Variants in PALLD observed in about 807,000 individuals in gnomAD.
The protein encoded by PALLD is palladin, cytoskeletal associated protein.
A neutral mutation model predicts 123.5 loss-of-function variants in PALLD; 61 were observed. The observed-to-expected ratio is 0.49, with a 90% CI of 0.40 to 0.61. PALLD has a LOEUF of 0.61. Among genes scored for constraint, PALLD ranks in the 20% least tolerant of loss-of-function variants. The pLI is 0.00. For missense variants in PALLD, 1,273 were observed against 1,377.0 expected (o/e 0.92, Z 1.20); for synonymous variants, 465 against 496.4 (o/e 0.94, Z 0.84).
At chr4:168,752,070 C>T (rs1436309466) in intron 10 of PALLD, among the ~76,000 whole-genome samples, 2 of 152,306 alleles carry the variant, frequency 1.3e-5, no homozygotes, top group East Asian at 1.9e-4. Flanking sequence ...CAAGATCAGG[C>T]TCAAACTTAA....
At chr4:168,704,664 CAAAAAAA>C (rs35183478) in intron 8 of PALLD, among the ~76,000 whole-genome samples, 5 of 81,382 alleles carry the variant, frequency 6.1e-5, no homozygotes, top group African/African-American at 1.1e-4. Context: ...GACTCTGTCT[CAAAAAAA>C]AAAAAAAAAA....
At chr4:168,648,494 T>C (rs1411136255) in intron 2 of PALLD, 1 of 152,194 alleles carries the variant, frequency 6.6e-6, no homozygotes, top group Non-Finnish European at 1.5e-5. Flanking sequence ...GTAAGTACTT[T>C]GTCTGGAGAG....
At chr4:168,916,150 C>A (rs994681166) in intron 17 of PALLD, 123 bp downstream of exon 17, 2 of 952,024 alleles carry the variant, frequency 2.1e-6, no homozygotes, top group Non-Finnish European at 3.4e-6. Flanking sequence ...CAGTGGCTCA[C>A]ACCTATAATC....
chr4:168,704,051 C>G (rs539782926), intron 8 of PALLD, among the ~76,000 whole-genome samples: 2 of 152,006 alleles, frequency 1.3e-5, no homozygotes, highest in African/African-American at 4.8e-5. Flanking sequence ...ATCAATGGAA[C>G]AGAACAGAGC....
intron 10 of PALLD, among the ~76,000 whole-genome samples, chr4:168,777,992 C>A (rs1735404532): frequency 6.6e-6 from 1 of 152,172 alleles, no homozygotes; most frequent in Non-Finnish European, 1.5e-5. Context: ...TCACCTCAAC[C>A]TCAGATTATG....
intron 10 of PALLD, among the ~76,000 whole-genome samples, chr4:168,759,198 AAAAAATATATATATATATATAT>A (rs1442051318): frequency 1.3e-4 from 4 of 31,704 alleles, no homozygotes; most frequent in African/African-American, 6.4e-4. Context: ...AAAAAAAAAA[AAAAAATATATATATATATATAT>A]ATATATATAT....
chr4:168,702,829 A>G (rs1462408316), intron 8 of PALLD, among the ~76,000 whole-genome samples: 1 of 152,040 alleles, frequency 6.6e-6, no homozygotes, highest in Non-Finnish European at 1.5e-5. Flanking sequence ...TTCCAGAGAC[A>G]TCTCACTTTC....
intron 2 of PALLD, among the ~76,000 whole-genome samples, chr4:168,513,637 T>C (rs116490613): frequency 6.8e-4 from 104 of 152,366 alleles, no homozygotes; most frequent in African/African-American, 2.5e-3. Context: ...AGCTAGTAAC[T>C]GCTGCAGTAG....
intron 2 of PALLD, among the ~76,000 whole-genome samples, chr4:168,626,591 G>A (rs761118236): frequency 4.6e-5 from 7 of 151,346 alleles, no homozygotes; most frequent in Admixed American, 1.3e-4. Context: ...CACGACTGTC[G>A]TCCCTGCTAC....
intron 10 of PALLD, among the ~76,000 whole-genome samples, chr4:168,848,150 TCCCACCCCACCCCAC>T (rs544116092): frequency 2.7e-5 from 3 of 113,168 alleles, no homozygotes; most frequent in African/African-American, 7.0e-5. Flanking sequence ...CCTACCCCCG[TCCCACCCCACCCCAC>T]CCCACCCCAC....
chr4:168,733,388 T>A (rs1447502332), intron 10 of PALLD, among the ~76,000 whole-genome samples: 1 of 152,192 alleles, frequency 6.6e-6, no homozygotes, highest in Non-Finnish European at 1.5e-5. Flanking sequence ...CTCTTCCTTT[T>A]AAGTAGACAA....
rs188154965 is a variant in PALLD, at chr4:168,644,869, G to A, written c.909-23321G>A. Among the ~76,000 whole-genome samples the A allele has an allele frequency of 3.9e-4, 60 of 152,222 alleles. No homozygotes were observed. In the East Asian group the frequency reaches 7.7e-3, roughly 20 times the overall value. On this transcript the variant is annotated intron_variant, in intron 2 of 21. Transcript: ENST00000505667. ...TATAATCCCAGCACTTTGGAAGGCCGAGGCAGGCGGATCACTGGAGGTCAG... is the reference window on the plus strand; with the variant it reads ...TATAATCCCAGCACTTTGGAAGGCCAAGGCAGGCGGATCACTGGAGGTCAG...
In PALLD at chr4:168,850,821, C is replaced by T. The variant is rs554872829; in HGVS notation, c.1965-40101C>T. On this transcript the variant is annotated intron_variant, in intron 10 of 21. Transcript: ENST00000505667. ...TGCTGGAATTACAGGCATGAGCCAC[C>T]GCGCCCAGCCTAAGTCTGTCATTTC... 1.1e-4 allele frequency among the ~76,000 whole-genome samples: 16 copies of T among 152,060 alleles called. No individual in the cohort carries two copies. In the East Asian group the frequency reaches 2.1e-3, roughly 20 times the overall value.
intron 10 of PALLD, among the ~76,000 whole-genome samples, chr4:168,816,498 T>C (rs1741977413): frequency 6.6e-6 from 1 of 151,538 alleles, no homozygotes; most frequent in Non-Finnish European, 1.5e-5. Flanking sequence ...GAACTCTGCC[T>C]CTATCAGCCA....
At chr4:168,789,278 T>A (rs896921014) in intron 10 of PALLD, among the ~76,000 whole-genome samples, 4 of 152,188 alleles carry the variant, frequency 2.6e-5, no homozygotes, top group African/African-American at 9.7e-5. Flanking sequence ...TACTGTGCAA[T>A]GGGAAGAGTT....
intron 8 of PALLD, among the ~76,000 whole-genome samples, chr4:168,704,360 C>A (rs1442105773): frequency 6.6e-6 from 1 of 152,126 alleles, no homozygotes; most frequent in Non-Finnish European, 1.5e-5. Context: ...GAACCATATA[C>A]CTGTTTGTAC....
chr4:168,682,694 G>A (rs879502420), intron 4 of PALLD, among the ~76,000 whole-genome samples: 4 of 151,976 alleles, frequency 2.6e-5, no homozygotes, highest in Admixed American at 2.0e-4. Context: ...AGTTTAATAC[G>A]TTAGCATCTT....
At chr4:168,911,026 A>G (rs1758838632) in intron 15 of PALLD, among the ~76,000 whole-genome samples, 1 of 152,356 alleles carries the variant, frequency 6.6e-6, no homozygotes, top group African/African-American at 2.4e-5. Context: ...AGTACCAGCT[A>G]TGAGGAATTT....
intron 2 of PALLD, among the ~76,000 whole-genome samples, chr4:168,520,562 T>C (rs553073990): frequency 1.3e-5 from 2 of 152,330 alleles, no homozygotes; most frequent in South Asian, 4.1e-4. Flanking sequence ...TAGCTATGCC[T>C]CTGCAGTAGC....
Sources: gnomAD v4.1 joint callset for allele counts (sites outside exome capture counted in the v4.1 genomes callset) on GRCh38, gnomAD v4.1.1 for gene constraint, MANE v1.5 for transcripts, NCBI Gene and HGNC (gene_info 2026-07-23, HGNC 2026-07-21) for gene names.